The following WDR47 variants were observed in gnomAD, a reference collection of about 807,000 sequenced individuals.
WDR47 encodes WD repeat-containing protein 47.
Under a neutral mutation model 97.2 loss-of-function variants are expected in WDR47, and 32 were observed. The observed-to-expected ratio is 0.33, with a 90% CI of 0.25 to 0.44. The LOEUF is 0.44. WDR47 is among the 20% of genes least tolerant of loss of function. WDR47 has a pLI of 1.00. For synonymous variants in WDR47, 375 were observed against 373.5 expected (o/e 1.00, Z -0.05); for missense variants, 782 against 1,102.3 (o/e 0.71, Z 4.11).
intron 7 of WDR47, among the ~76,000 whole-genome samples, chr1:109,000,452 T>C (rs1320911993): frequency 4.5e-5 from 6 of 134,806 alleles, no homozygotes; most frequent in Admixed American, 1.8e-4. Flanking sequence ...GAGGTTGCAG[T>C]GAGCCGAGAT....
chr1:109,010,954 A>T lies in WDR47; in HGVS notation c.1092T>A (p.Asn364Lys), dbSNP rs1660997398. Residue 364 changes from asparagine to lysine, a missense_variant, in exon 5 of 15, where the codon AAT becomes AAA. Physicochemically the swap from Asn to Lys is moderately conservative, Grantham distance 94 (BLOSUM62 0). Coordinates refer to ENST00000369962, the MANE Select transcript of WDR47 (RefSeq NM_001142551.2). ...CTTCGTAAATACTGTGACATTCTGTATTCTCAAGCATGAGACTTCTACTGA... is the reference window on the plus strand; with the variant it reads ...CTTCGTAAATACTGTGACATTCTGTTTTCTCAAGCATGAGACTTCTACTGA... ...QNLSRSLMLE[N>K]TECHSIYEES... 1 of 1,613,848 alleles carries T rather than the reference A, an allele frequency of 6.2e-7. No homozygotes were observed. The highest frequency in any genetic ancestry group is 2.2e-5 in the East Asian group (1 of 44,888).
chr1:108,994,807 T>TA (rs1659631919), intron 8 of WDR47, among the ~76,000 whole-genome samples: 2 of 152,014 alleles, frequency 1.3e-5, no homozygotes, highest in Non-Finnish European at 2.9e-5. Context: ...AAAGCTGTAA[T>TA]AAAAAAGCAA....
chr1:109,036,890 AAGAACTATATAC>A (rs1477839344), intron 1 of WDR47, among the ~76,000 whole-genome samples: 2 of 152,200 alleles, frequency 1.3e-5, no homozygotes, highest in African/African-American at 2.4e-5. Context: ...TGGTCTGATC[AAGAACTATATAC>A]AGTGAAACTA....
At chr1:109,033,191 G>A (rs924285517) in intron 1 of WDR47, among the ~76,000 whole-genome samples, 2 of 152,116 alleles carry the variant, frequency 1.3e-5, no homozygotes, top group African/African-American at 4.8e-5. Flanking sequence ...GTACTCGGGA[G>A]GCTGAGGCAG....
chr1:109,001,891 CA>C (rs34586480), intron 7 of WDR47, among the ~76,000 whole-genome samples: 233 of 132,250 alleles, frequency 1.8e-3, no homozygotes, highest in Middle Eastern at 3.8e-3. Context: ...AGCCTTGCCT[CA>C]AAAAAAAAAA....
intron 9 of WDR47, among the ~76,000 whole-genome samples, chr1:108,988,636 C>T (rs1035834463): frequency 1.3e-5 from 2 of 151,492 alleles, no homozygotes; most frequent in African/African-American, 4.9e-5. Context: ...GAGCTGAGAT[C>T]GCACCACTGC....
At chr1:109,033,209 A>G (rs79574648) in intron 1 of WDR47, among the ~76,000 whole-genome samples, 16,301 of 151,872 alleles carry the variant, frequency 0.11, 1,006 homozygotes, top group African/African-American at 0.16. Context: ...CAGGAGAATC[A>G]CTTGAACCCA....
intron 11 of WDR47, among the ~76,000 whole-genome samples, 191 bp downstream of exon 11, chr1:108,983,091 A>C (rs981636771): frequency 6.6e-6 from 1 of 152,226 alleles, no homozygotes; most frequent in Non-Finnish European, 1.5e-5. Flanking sequence ...AACACCACCT[A>C]GACACCTGTA....
intron 4 of WDR47, among the ~76,000 whole-genome samples, chr1:109,011,971 T>TCTC (rs1409670270): frequency 6.6e-6 from 1 of 152,096 alleles, no homozygotes. Flanking sequence ...TAAGACAGGA[T>TCTC]CTCACTCTGC....
At chr1:108,999,727 A>C (rs1033793075) in intron 7 of WDR47, among the ~76,000 whole-genome samples, 11 of 152,122 alleles carry the variant, frequency 7.2e-5, no homozygotes, top group African/African-American at 2.4e-4. Flanking sequence ...TCTATAAAGG[A>C]AAGATGAACC....
At position 109,028,882 on chromosome 1, in the gene WDR47, T is replaced by C. The variant is rs558441824; in HGVS notation, c.-9-5361A>G. 7.2e-5 allele frequency among the ~76,000 whole-genome samples: 11 copies of C among 152,308 alleles called. No homozygotes were observed. The South Asian group carries it at 1.9e-3, about 26-fold the overall frequency. Reference sequence around the variant, plus strand: ...AGTTCAACGGTAATAAATAAATCTATATTCCATCCTTGCCTTTCCTCTTTC... The same window carrying C: ...AGTTCAACGGTAATAAATAAATCTACATTCCATCCTTGCCTTTCCTCTTTC... On this transcript the variant is annotated intron_variant, in intron 1 of 14. Coordinates refer to ENST00000369962, the MANE Select transcript of WDR47 (RefSeq NM_001142551.2).
At chr1:109,039,864 C>T (rs978936718) in intron 1 of WDR47, among the ~76,000 whole-genome samples, 3 of 151,730 alleles carry the variant, frequency 2.0e-5, no homozygotes, top group African/African-American at 4.8e-5. Flanking sequence ...GGTGAAACCC[C>T]ATCTCTACTA....
At chr1:109,028,362 G>GTTTTTTTTTTTTTTTTTTTT (rs372929187) in intron 1 of WDR47, among the ~76,000 whole-genome samples, 2 of 79,788 alleles carry the variant, frequency 2.5e-5, no homozygotes, top group African/African-American at 5.1e-5. Flanking sequence ...TTTTTGTTGG[G>GTTTTTTTTTTTTTTTTTTTT]TTTTTTTTTT....
chr1:109,021,340 C>T (rs1392266081), intron 2 of WDR47, among the ~76,000 whole-genome samples: 1 of 151,926 alleles, frequency 6.6e-6, no homozygotes, highest in African/African-American at 2.4e-5. Flanking sequence ...CCAGCCTTGC[C>T]AAAATGGTGA....
chr1:109,036,653 G>A (rs982741543), intron 1 of WDR47, among the ~76,000 whole-genome samples: 6 of 151,714 alleles, frequency 4.0e-5, no homozygotes, highest in South Asian at 2.1e-4. Flanking sequence ...TGGCTAACAC[G>A]GTGAAACCCC....
chr1:108,988,878 C>T (rs1659076688), intron 9 of WDR47, among the ~76,000 whole-genome samples: 1 of 151,930 alleles, frequency 6.6e-6, no homozygotes, highest in Admixed American at 6.6e-5. Context: ...CTGCCTCAGC[C>T]TCCCAAGTAG....
intron 7 of WDR47, among the ~76,000 whole-genome samples, chr1:108,999,171 G>A (rs1026944251): frequency 6.6e-6 from 1 of 151,520 alleles, no homozygotes; most frequent in African/African-American, 2.4e-5. Flanking sequence ...AGGTTTCAGT[G>A]AGCTGAGATC....
At chr1:108,978,318 T>A (rs749612859) in intron 13 of WDR47, among the ~76,000 whole-genome samples, 1 of 150,616 alleles carries the variant, frequency 6.6e-6, no homozygotes, top group African/African-American at 2.4e-5. Context: ...TACTAAAAAA[T>A]ATACAAAAAA....
chr1:108,985,774 C>A (rs916943923), intron 10 of WDR47, among the ~76,000 whole-genome samples: 1 of 152,064 alleles, frequency 6.6e-6, no homozygotes, highest in Non-Finnish European at 1.5e-5. Flanking sequence ...TTTGGTTCTA[C>A]CTCCATAATT....
Sources: gnomAD v4.1 joint callset for allele counts (sites outside exome capture counted in the v4.1 genomes callset) on GRCh38, gnomAD v4.1.1 for gene constraint, MANE v1.5 for transcripts, NCBI Gene and HGNC (gene_info 2026-07-23, HGNC 2026-07-21) for gene names.